CDH12: variants seen among roughly 807,000 people sequenced by gnomAD.
CDH12 encodes the protein cadherin-12.
In CDH12, 41 loss-of-function variants were observed where a neutral mutation model predicts 74.1. The observed-to-expected ratio is 0.55, with a 90% confidence interval of 0.43 to 0.72. CDH12 has a LOEUF of 0.72. Ranked by LOEUF, CDH12 falls within the 30% of genes least tolerant of loss-of-function variation. The pLI is 0.00. For missense variants in CDH12, 945 were observed against 977.2 expected (o/e 0.97, Z 0.44); for synonymous variants, 399 against 355.0 (o/e 1.12, Z -1.39).
chr5:22,016,569 A>T lies in CDH12; in HGVS notation c.232-41184T>A, dbSNP rs563380390. Among the ~76,000 whole-genome samples, 4 of 152,048 alleles carry T rather than the reference A, an allele frequency of 2.6e-5. No homozygotes were observed. The South Asian group carries it at 8.3e-4, about 31-fold the overall frequency. Reference sequence around the variant, plus strand: ...TCCAGCTAACTTCTGTATTTTTAGTAGAGATGGGGTTTCACCATGTTGGCC... The same window carrying T: ...TCCAGCTAACTTCTGTATTTTTAGTTGAGATGGGGTTTCACCATGTTGGCC... On this transcript the variant is annotated intron_variant, in intron 5 of 14. Coordinates refer to ENST00000382254, the MANE Select transcript of CDH12 (RefSeq NM_004061.5).
chr5:21,883,095 G>A, intron 6 of CDH12: 1 of 1,602,290 alleles, frequency 6.2e-7, no homozygotes. Flanking sequence ...TGAAGAAATT[G>A]CACAGGTTGC....
chr5:22,599,418 G>T (rs577273484), intron 1 of CDH12, among the ~76,000 whole-genome samples: 2 of 152,268 alleles, frequency 1.3e-5, no homozygotes, highest in East Asian at 1.9e-4. Flanking sequence ...ATCTAGCCTA[G>T]AAATAATGCC....
In CDH12 at chr5:22,357,418, G is replaced by A. The variant is rs181891507; in HGVS notation, c.-333+47839C>T. ...GAAAATCCTTATCAGATGTTAACTC[G>A]GTACCCCAAATGGAAGATAAAAATT... On this transcript the variant is annotated intron_variant, in intron 3 of 14. Transcript: ENST00000382254. Among the ~76,000 whole-genome samples, 481 of 151,770 alleles carry A rather than the reference G, an allele frequency of 3.2e-3. 1 individual carries two copies. Among genetic ancestry groups the A allele is most frequent in the Non-Finnish European group, 5.2e-3 (353 of 67,898 alleles).
intron 1 of CDH12, among the ~76,000 whole-genome samples, chr5:22,576,325 C>T (rs1427339297): frequency 6.6e-6 from 1 of 152,134 alleles, no homozygotes; most frequent in African/African-American, 2.4e-5. Context: ...ACTTCCCAAA[C>T]CCTACCCTGT....
At chr5:22,843,556 C>G (rs903528794) in intron 1 of CDH12, among the ~76,000 whole-genome samples, 2 of 151,686 alleles carry the variant, frequency 1.3e-5, no homozygotes, top group African/African-American at 4.8e-5. Flanking sequence ...TACCTTCTAT[C>G]AGAAGCATTT....
intron 4 of CDH12, among the ~76,000 whole-genome samples, chr5:22,099,847 C>G (rs1561109780): frequency 2.0e-5 from 3 of 152,158 alleles, no homozygotes; most frequent in Non-Finnish European, 2.9e-5. Flanking sequence ...TTTTCTCCTT[C>G]TCTTATTCCG....
chr5:22,162,631 T>A, intron 4 of CDH12, among the ~76,000 whole-genome samples: 1 of 152,106 alleles, frequency 6.6e-6, no homozygotes, highest in East Asian at 1.9e-4. Flanking sequence ...ATGATGTGTT[T>A]ATTTTTAAAA....
intron 1 of CDH12, among the ~76,000 whole-genome samples, chr5:22,612,252 T>C (rs1478895310): frequency 6.6e-6 from 1 of 152,184 alleles, no homozygotes; most frequent in Non-Finnish European, 1.5e-5. Flanking sequence ...ATAATGCTCA[T>C]CATTTACACT....
intron 2 of CDH12, among the ~76,000 whole-genome samples, chr5:22,461,229 T>C (rs1202799390): frequency 1.3e-5 from 2 of 151,690 alleles, no homozygotes; most frequent in African/African-American, 2.4e-5. Flanking sequence ...GGTTTCACCA[T>C]GCTGGCCAGG....
At chr5:22,498,701 T>C (rs1747205521) in intron 2 of CDH12, among the ~76,000 whole-genome samples, 1 of 151,986 alleles carries the variant, frequency 6.6e-6, no homozygotes, top group Admixed American at 6.6e-5. Context: ...AAGTCTTTTT[T>C]AGTTGTAGTT....
At chr5:22,174,674 T>G (rs1264514142) in intron 4 of CDH12, among the ~76,000 whole-genome samples, 1 of 151,946 alleles carries the variant, frequency 6.6e-6, no homozygotes, top group Non-Finnish European at 1.5e-5. Flanking sequence ...CAATACCATT[T>G]ATCTTGAGGA....
chr5:21,930,558 G>C (rs1417519623), intron 6 of CDH12, among the ~76,000 whole-genome samples: 1 of 152,076 alleles, frequency 6.6e-6, no homozygotes, highest in East Asian at 1.9e-4. Context: ...CCTGTTTCTT[G>C]AAAATTTAGC....
intron 5 of CDH12, among the ~76,000 whole-genome samples, chr5:22,038,105 C>A (rs1739310436): frequency 6.6e-6 from 1 of 152,156 alleles, no homozygotes; most frequent in South Asian, 2.1e-4. Context: ...CTGTGCCCTA[C>A]CCCCTGAGGC....
intron 4 of CDH12, among the ~76,000 whole-genome samples, chr5:22,203,640 T>G (rs1751041490): frequency 6.6e-6 from 1 of 152,180 alleles, no homozygotes; most frequent in Admixed American, 6.5e-5. Context: ...CATATGGTAG[T>G]TCTATTTTTA....
At chr5:22,555,543 G>A (rs912710500) in intron 1 of CDH12, among the ~76,000 whole-genome samples, 2 of 151,784 alleles carry the variant, frequency 1.3e-5, no homozygotes, top group African/African-American at 4.8e-5. Context: ...AAAAAATAGT[G>A]TCTTCTTTGA....
chr5:22,025,400 TAA>T (rs1415473259), intron 5 of CDH12, among the ~76,000 whole-genome samples: 1 of 152,172 alleles, frequency 6.6e-6, no homozygotes, highest in Non-Finnish European at 1.5e-5. Flanking sequence ...TATACTATAT[TAA>T]GAGTACAATA....
At chr5:21,841,110 T>C (rs1209765350) in intron 8 of CDH12, among the ~76,000 whole-genome samples, 1 of 152,192 alleles carries the variant, frequency 6.6e-6, no homozygotes, top group African/African-American at 2.4e-5. Flanking sequence ...GCTACTCATC[T>C]GACAAAGGGC....
chr5:22,012,976 GA>G (rs1319372069), intron 5 of CDH12, among the ~76,000 whole-genome samples: 2 of 145,308 alleles, frequency 1.4e-5, no homozygotes, highest in African/African-American at 5.2e-5. Flanking sequence ...TTATTTGATA[GA>G]GATAAATAAA....
chr5:22,048,084 T>C (rs1394172209), intron 5 of CDH12, among the ~76,000 whole-genome samples: 3 of 152,204 alleles, frequency 2.0e-5, no homozygotes, highest in Non-Finnish European at 2.9e-5. Flanking sequence ...CAAATCATTG[T>C]ACCCCTTTTT....
Sources: gnomAD v4.1 joint callset for allele counts (sites outside exome capture counted in the v4.1 genomes callset) on GRCh38, gnomAD v4.1.1 for gene constraint, MANE v1.5 for transcripts, NCBI Gene and HGNC (gene_info 2026-07-23, HGNC 2026-07-21) for gene names.